The following SPECC1L variants were observed in gnomAD, a reference collection of about 807,000 sequenced individuals.
The protein encoded by SPECC1L is sperm antigen with calponin homology and coiled-coil domains 1 like.
SPECC1L carries 40 observed loss-of-function variants against 116.8 expected under a neutral mutation model. That is an observed-to-expected ratio of 0.34 (90% CI 0.27 to 0.45). SPECC1L has a LOEUF of 0.45. SPECC1L is among the 20% of genes least tolerant of loss of function. The pLI, the probability that SPECC1L is intolerant of heterozygous loss-of-function variation, is 1.00. For synonymous variants in SPECC1L, 504 were observed against 500.6 expected, an observed-to-expected ratio of 1.01 and a Z score of -0.09; for missense variants, 1,110 against 1,373.6, an observed-to-expected ratio of 0.81 and a Z score of 3.03.
chr22:24,389,136 A>G (rs2042218046), intron 14 of SPECC1L, among the ~76,000 whole-genome samples: 1 of 122,798 alleles, frequency 8.1e-6, no homozygotes, highest in Admixed American at 9.5e-5. Context: ...TTTTTTGGAG[A>G]CAGAGTTTCA....
chr22:24,302,045 C>CAA (rs759458885), intron 2 of SPECC1L, 150 bp from the exon 3 acceptor site: 568 of 462,926 alleles, frequency 1.2e-3, no homozygotes, highest in East Asian at 1.6e-3. Flanking sequence ...GACTCCGTCT[C>CAA]AAAAAAAAAA....
intron 4 of SPECC1L, among the ~76,000 whole-genome samples, chr22:24,315,318 AT>A (rs2040538843): frequency 1.3e-5 from 2 of 152,240 alleles, no homozygotes; most frequent in Non-Finnish European, 2.9e-5. Context: ...TACAGGCATG[AT>A]TTCATTTTAT....
At chr22:24,404,624 A>T (rs2042550405) in intron 14 of SPECC1L, among the ~76,000 whole-genome samples, 1 of 151,994 alleles carries the variant, frequency 6.6e-6, no homozygotes. Context: ...GCCCAACTTG[A>T]TACGGACCTC....
intron 14 of SPECC1L, among the ~76,000 whole-genome samples, chr22:24,398,365 G>A (rs2042406804): frequency 6.6e-6 from 1 of 152,176 alleles, no homozygotes; most frequent in South Asian, 2.1e-4. Flanking sequence ...TAAAAACGAT[G>A]TGCCCACAGT....
intron 1 of SPECC1L, 81 bp from the exon 2 acceptor site, chr22:24,276,619 T>G: frequency 2.9e-6 from 1 of 344,670 alleles, no homozygotes; most frequent in Non-Finnish European, 5.7e-6. Context: ...ATTAGGTCAA[T>G]AAGGTTTATT....
In SPECC1L at chr22:24,324,232, T is replaced by A. The variant is rs1441609597; in HGVS notation, c.1951T>A (p.Tyr651Asn). 6.2e-7 allele frequency: 1 copy of A among 1,613,906 alleles called. No homozygotes were observed. The highest frequency in any genetic ancestry group is 1.1e-5 in the South Asian group (1 of 91,086). ...CAATTTTACGTAGGTAGAGGATGAA[T>A]ACCGAGCCTTCCAAGAAGAAGCTAA... ...QDAIAKVEDE[Y>N]RAFQEEAKKQ... The change falls in exon 6 of 17, where the codon TAC becomes AAC. Residue 651 changes from tyrosine to asparagine, a missense_variant. Tyr to Asn is a moderately radical substitution (Grantham distance 143). This residue lies in a region of SPECC1L where 575 missense variants were observed against 682.4 expected (regional missense o/e 0.84). Coordinates refer to ENST00000314328, the MANE Select transcript of SPECC1L (RefSeq NM_015330.6).
chr22:24,399,318 C>T (rs1298672233), intron 14 of SPECC1L, among the ~76,000 whole-genome samples: 1 of 152,230 alleles, frequency 6.6e-6, no homozygotes. Flanking sequence ...CGCCTGTAAT[C>T]CCAGCACTTT....
intron 2 of SPECC1L, among the ~76,000 whole-genome samples, chr22:24,299,821 G>A (rs895691268): frequency 6.6e-6 from 1 of 151,824 alleles, no homozygotes; most frequent in African/African-American, 2.4e-5. Context: ...CTATCACCGT[G>A]ATCTAATGTT....
At chr22:24,368,908 A>G (rs958382110) in intron 13 of SPECC1L, among the ~76,000 whole-genome samples, 1 of 152,180 alleles carries the variant, frequency 6.6e-6, no homozygotes, top group African/African-American at 2.4e-5. Flanking sequence ...CAGGCTCCCA[A>G]AGTGTTGGGA....
intron 4 of SPECC1L, among the ~76,000 whole-genome samples, chr22:24,314,675 GA>G (rs2146446914): frequency 6.6e-6 from 1 of 152,290 alleles, no homozygotes; most frequent in Non-Finnish European, 1.5e-5. Context: ...ATACCCCCAT[GA>G]TGTTTTTGCC....
chr22:24,325,877 A>T (rs1338227498), intron 6 of SPECC1L, among the ~76,000 whole-genome samples: 1 of 152,168 alleles, frequency 6.6e-6, no homozygotes, highest in Non-Finnish European at 1.5e-5. Flanking sequence ...TTGTGACAAG[A>T]AAAAGAAAAC....
chr22:24,279,490 A>G (rs1443812920), intron 2 of SPECC1L, among the ~76,000 whole-genome samples: 2 of 152,128 alleles, frequency 1.3e-5, no homozygotes, highest in African/African-American at 4.8e-5. Flanking sequence ...CGGCCTCCCA[A>G]ATACTGGGAT....
chr22:24,403,414 T>C (rs1421426683), intron 14 of SPECC1L, among the ~76,000 whole-genome samples: 2 of 152,252 alleles, frequency 1.3e-5, no homozygotes, highest in South Asian at 2.1e-4. Context: ...AAAAAGTTAA[T>C]TTTTTTCTTC....
chr22:24,276,898 T>C (rs2048848484), intron 2 of SPECC1L, 95 bp downstream of exon 2: 3 of 286,672 alleles, frequency 1.0e-5, no homozygotes, highest in South Asian at 8.4e-5. Context: ...GGTTTGGTTC[T>C]ACCCCACTGG....
At chr22:24,354,264 T>C (rs555684342) in intron 11 of SPECC1L, among the ~76,000 whole-genome samples, 2 of 152,346 alleles carry the variant, frequency 1.3e-5, no homozygotes, top group African/African-American at 4.8e-5. Context: ...ATATCAGTTT[T>C]GTTCCTTCTT....
intron 14 of SPECC1L, among the ~76,000 whole-genome samples, chr22:24,374,271 G>T (rs1469175582): frequency 6.6e-6 from 1 of 151,810 alleles, no homozygotes; most frequent in Non-Finnish European, 1.5e-5. Context: ...CCCATTACTG[G>T]GTATATACCC....
chr22:24,298,250 G>A (rs886629545), intron 2 of SPECC1L, among the ~76,000 whole-genome samples: 3 of 152,130 alleles, frequency 2.0e-5, no homozygotes, highest in Admixed American at 2.0e-4. Context: ...AAGCTATGAC[G>A]TTCAGTAGGT....
intron 4 of SPECC1L, among the ~76,000 whole-genome samples, chr22:24,318,490 C>T (rs549487917): frequency 1.3e-5 from 2 of 152,188 alleles, no homozygotes; most frequent in African/African-American, 2.4e-5. Context: ...AGCTTCGGCT[C>T]GGCATCAGAG....
chr22:24,391,983 C>T (rs552846665), intron 14 of SPECC1L, among the ~76,000 whole-genome samples: 1 of 152,120 alleles, frequency 6.6e-6, no homozygotes, highest in Admixed American at 6.5e-5. Flanking sequence ...GAATCAGCAC[C>T]CACATTCCAT....
Sources: allele counts gnomAD v4.1 joint callset (sites outside exome capture counted in the v4.1 genomes callset), GRCh38; gene constraint gnomAD v4.1.1; regional missense constraint gnomAD v4.1.1; transcripts MANE v1.5; gene names NCBI Gene and HGNC (gene_info 2026-07-23, HGNC 2026-07-21).